Variants in CNOT4 observed in about 807,000 individuals in gnomAD.
CNOT4 encodes CCR4-associated factor 4.
CNOT4 carries 8 observed loss-of-function variants against 73.8 expected under a neutral mutation model. The observed-to-expected ratio is 0.11, with a 90% CI of 0.06 to 0.20. CNOT4 has a LOEUF of 0.20. Ranked by LOEUF, CNOT4 falls within the 10% of genes least tolerant of loss-of-function variation. The probability of loss-of-function intolerance (pLI) is 1.00; values close to 1 mark genes in which losing one functional copy is unlikely to be tolerated. For missense variants in CNOT4, 564 were observed against 883.4 expected (o/e 0.64, Z 4.58); for synonymous variants, 293 against 321.1 (o/e 0.91, Z 0.94).
chr7:135,381,041 G>A (rs1360632094), intron 10 of CNOT4, among the ~76,000 whole-genome samples: 1 of 152,038 alleles, frequency 6.6e-6, no homozygotes, highest in African/African-American at 2.4e-5. Context: ...AGGGTGAAGT[G>A]GGCACCAGTA....
intron 1 of CNOT4, among the ~76,000 whole-genome samples, chr7:135,457,940 G>A (rs1460903043): frequency 1.3e-5 from 2 of 151,986 alleles, no homozygotes; most frequent in Non-Finnish European, 2.9e-5. Context: ...GTAAATCATA[G>A]GTTACGACTC....
At chr7:135,437,275 C>T (rs981975888) in intron 2 of CNOT4, among the ~76,000 whole-genome samples, 12 of 152,024 alleles carry the variant, frequency 7.9e-5, no homozygotes, top group African/African-American at 2.2e-4. Context: ...CTGCAAGCTC[C>T]GCCTTCCGGG....
chr7:135,365,908 ACT>A (rs1165337423), intron 10 of CNOT4, among the ~76,000 whole-genome samples: 4 of 152,178 alleles, frequency 2.6e-5, no homozygotes, highest in Non-Finnish European at 5.9e-5. Flanking sequence ...GTCCTAGAAC[ACT>A]CTCAATCACA....
intron 1 of CNOT4, among the ~76,000 whole-genome samples, chr7:135,464,237 G>A (rs373000574): frequency 6.6e-6 from 1 of 152,026 alleles, no homozygotes; most frequent in African/African-American, 2.4e-5. Flanking sequence ...ACATGCACAC[G>A]AATGTTCACT....
intron 1 of CNOT4, among the ~76,000 whole-genome samples, chr7:135,458,616 C>A (rs1014424003): frequency 6.6e-6 from 1 of 152,066 alleles, no homozygotes; most frequent in Non-Finnish European, 1.5e-5. Flanking sequence ...ATTAAATATT[C>A]TAAATCCTTT....
intron 10 of CNOT4, chr7:135,387,427 TA>T (rs1158409848): frequency 1.0e-6 from 1 of 983,744 alleles, no homozygotes; most frequent in Non-Finnish European, 1.2e-6. Flanking sequence ...TCCAATTTTA[TA>T]TAGAGGTAAC....
chr7:135,407,977 ACT>A (rs1001117789), intron 7 of CNOT4, among the ~76,000 whole-genome samples: 4 of 152,180 alleles, frequency 2.6e-5, no homozygotes, highest in African/African-American at 9.7e-5. Context: ...GGAAACATAA[ACT>A]CACAGTGCAT....
chr7:135,380,124 G>GA (rs1225911560), intron 10 of CNOT4, among the ~76,000 whole-genome samples: 264 of 143,022 alleles, frequency 1.8e-3, no homozygotes, highest in African/African-American at 3.3e-3. Context: ...CTTGATTGGG[G>GA]AAAAAAAAAA....
At chr7:135,393,468 CAAGT>C (rs1222086414) in intron 10 of CNOT4, among the ~76,000 whole-genome samples, 1 of 152,100 alleles carries the variant, frequency 6.6e-6, no homozygotes, top group Non-Finnish European at 1.5e-5. Flanking sequence ...TCAGTCAAAA[CAAGT>C]AACTGCCAAA....
At chr7:135,491,707 G>C (rs1236126802) in intron 1 of CNOT4, among the ~76,000 whole-genome samples, 1 of 152,154 alleles carries the variant, frequency 6.6e-6, no homozygotes, top group Non-Finnish European at 1.5e-5. Flanking sequence ...GAGCAATTGA[G>C]GGAAGATATT....
Position 135,395,666 on chromosome 7 carries a change from G to A in CNOT4, c.1097C>T (p.Thr366Ile), listed in dbSNP as rs765758205. The A allele has an allele frequency of 1.9e-6, 3 of 1,614,112 alleles. No individual in the cohort carries two copies. The highest frequency in any genetic ancestry group is 2.5e-6 in the Non-Finnish European group (3 of 1,179,962). Residue 366 changes from threonine to isoleucine, a missense_variant, in exon 9 of 12, where the codon ACA becomes ATA. By Grantham distance (89) the Thr-to-Ile change is moderately conservative. Coordinates refer to ENST00000541284, the MANE Select transcript of CNOT4 (RefSeq NM_001190850.2). ...GAAGAGGCTCTGTGGTTCTGGTGCTGTAGGCCAGTCACTGGATGTCTGTGG... is the reference window on the plus strand; with the variant it reads ...GAAGAGGCTCTGTGGTTCTGGTGCTATAGGCCAGTCACTGGATGTCTGTGG... ...SSPQTSSDWP[T>I]APEPQSLFTS...
At chr7:135,488,473 A>G (rs977744501) in intron 1 of CNOT4, among the ~76,000 whole-genome samples, 1 of 152,210 alleles carries the variant, frequency 6.6e-6, no homozygotes, top group African/African-American at 2.4e-5. Context: ...TCGGCCTCCC[A>G]AAGTGCTAGG....
intron 9 of CNOT4, among the ~76,000 whole-genome samples, chr7:135,395,233 A>G (rs1032320326): frequency 1.3e-5 from 2 of 152,032 alleles, no homozygotes; most frequent in Non-Finnish European, 2.9e-5. Context: ...AAAATTTAAA[A>G]ATTAACCAGG....
chr7:135,414,516 T>A, intron 4 of CNOT4, 84 bp from the exon 5 acceptor site: 1 of 701,488 alleles, frequency 1.4e-6, no homozygotes, highest in Admixed American at 2.2e-5. Flanking sequence ...TAGGGAATTC[T>A]AAAGACCCTG....
Position 135,363,713 on chromosome 7 carries a change from C to T in CNOT4, c.1840+141G>A, listed in dbSNP as rs1024207686. ...ACAGGTTAAATGAGACTTGCATGAC[C>T]CCTGAGAACGAAACAAGCCACTCCA... is the stretch of plus-strand genomic sequence containing the variant. On this transcript the variant is annotated intron_variant, in intron 11 of 11. Coordinates refer to ENST00000541284, the MANE Select transcript of CNOT4 (RefSeq NM_001190850.2). This position sits in a 1 kb window ranked among gnomAD's most constrained non-coding sequence, Gnocchi z 4.3. 5 of 643,982 alleles carry T rather than the reference C, an allele frequency of 7.8e-6. No homozygotes were observed. Among genetic ancestry groups the T allele is most frequent in the African/African-American group, 5.5e-5 (3 of 54,586 alleles). 39.9% of individuals were successfully genotyped at this position (643,982 alleles called of 1,614,324 possible).
chr7:135,489,454 G>C (rs999692919), intron 1 of CNOT4, among the ~76,000 whole-genome samples: 2 of 148,784 alleles, frequency 1.3e-5, no homozygotes, highest in African/African-American at 5.0e-5. Flanking sequence ...GGAGTGCAAG[G>C]GCGTGATCTC....
At chr7:135,392,037 A>G (rs1235806577) in intron 10 of CNOT4, among the ~76,000 whole-genome samples, 1 of 152,048 alleles carries the variant, frequency 6.6e-6, no homozygotes, top group Non-Finnish European at 1.5e-5. Flanking sequence ...GTGTAATGAC[A>G]TACTAATTCC....
At chr7:135,419,171 T>C (rs1342697611) in intron 3 of CNOT4, among the ~76,000 whole-genome samples, 7 of 152,150 alleles carry the variant, frequency 4.6e-5, no homozygotes, top group Non-Finnish European at 1.0e-4. Flanking sequence ...AACAAATGAA[T>C]ACATTTGACA....
chr7:135,372,318 G>A (rs1425555518), intron 10 of CNOT4, among the ~76,000 whole-genome samples: 1 of 152,204 alleles, frequency 6.6e-6, no homozygotes, highest in African/African-American at 2.4e-5. Context: ...TACAAAAGCA[G>A]GGAATGGGAA....
Sources: allele counts gnomAD v4.1 joint callset (sites outside exome capture counted in the v4.1 genomes callset), GRCh38; gene constraint gnomAD v4.1.1; non-coding constraint Gnocchi (gnomAD v3.1); transcripts MANE v1.5; gene names NCBI Gene and HGNC (gene_info 2026-07-23, HGNC 2026-07-21).